The following SLC4A9 variants were observed in gnomAD, a reference collection of about 807,000 sequenced individuals.
SLC4A9 encodes anion exchange protein 4.
A neutral mutation model predicts 103.2 loss-of-function variants in SLC4A9; 102 were observed. The ratio of observed to expected loss-of-function variants is 0.99; its 90% CI spans 0.84 to 1.17. The LOEUF is 1.17. Among genes scored for constraint, SLC4A9 ranks in the 50% most tolerant of loss-of-function variants. The pLI is 0.00. For synonymous variants in SLC4A9, 453 were observed against 483.6 expected, an observed-to-expected ratio of 0.94 and a Z score of 0.83; for missense variants, 1,091 against 1,193.7, an observed-to-expected ratio of 0.91 and a Z score of 1.27.
At chr5:140,362,592 A>T in intron 6 of SLC4A9, 60 bp downstream of exon 6, 1 of 1,476,144 alleles carries the variant, frequency 6.8e-7, no homozygotes, top group South Asian at 1.1e-5. Context: ...GTGTGTGTGC[A>T]CACATGCATA....
At chr5:140,374,550 C>CAAA (rs70988749) in intron 21 of SLC4A9, among the ~76,000 whole-genome samples, 122 of 47,608 alleles carry the variant, frequency 2.6e-3, no homozygotes, top group African/African-American at 4.4e-3. Flanking sequence ...AACTCCCTCT[C>CAAA]AAAAAAAAAA....
At position 140,364,373 on chromosome 5, in the gene SLC4A9, C is replaced by T. The variant is rs776050959; in HGVS notation, c.1399C>T (p.Leu467=). The T allele has an allele frequency of 1.2e-6, 2 of 1,612,808 alleles. No homozygotes were observed. The highest frequency in any genetic ancestry group is 8.5e-7 in the Non-Finnish European group (1 of 1,179,870). The change falls in exon 11 of 22, where the codon CTG becomes TTG. Residue 467 remains leucine (L), a synonymous_variant. Coordinates refer to ENST00000506757, the MANE Select transcript of SLC4A9 (RefSeq NM_031467.3). ...LLFSFSRDYS[L]DYLPFRLWVG... ...CTCTCATCCCCACAGAGATTACAGC[C>T]TGGACTACCTGCCCTTCCGCCTATG...
chr5:140,372,798 G>GC lies in SLC4A9; in HGVS notation c.*1dup. 6.4e-7 allele frequency: 1 copy of GC among 1,567,282 alleles called. No homozygotes were observed. Reference sequence around the variant, plus strand: ...CAGAAATCAACATTTCTGTGAATTAGCTGGAGTAGGAGTCTGGGAGTGGAG... The same window carrying GC: ...CAGAAATCAACATTTCTGTGAATTAGCCTGGAGTAGGAGTCTGGGAGTGGAG... On this transcript the variant is annotated 3_prime_UTR_variant, in exon 21 of 22. Coordinates refer to ENST00000506757, the MANE Select transcript of SLC4A9 (RefSeq NM_031467.3).
chr5:140,364,496 T>C lies in SLC4A9; in HGVS notation c.1522T>C (p.Cys508Arg), dbSNP rs1483683799. 6.8e-6 allele frequency: 11 copies of C among 1,612,044 alleles called. No individual in the cohort carries two copies. Among genetic ancestry groups the C allele is most frequent in the Non-Finnish European group, 9.3e-6 (11 of 1,179,024 alleles). The change falls in exon 11 of 22, where the codon TGT (cysteine) becomes CGT (arginine). Residue 508 changes from cysteine (C) to arginine (R), a missense_variant. Physicochemically the swap from Cys to Arg is radical, Grantham distance 180 (BLOSUM62 -3). Transcript: ENST00000506757. ...CACCCGCTTCACTGAGGAAGGTTTC[T>C]GTGCCCTCATCAGCCTCATCTTCAT... is the stretch of plus-strand genomic sequence containing the variant. ...YFTRFTEEGFCALISLIFIYD... is the reference protein window; with the variant it reads ...YFTRFTEEGFRALISLIFIYD...
chr5:140,367,348 A>C (rs1458706369), intron 14 of SLC4A9, 72 bp from the exon 15 acceptor site: 1 of 1,525,722 alleles, frequency 6.6e-7, no homozygotes, highest in Non-Finnish European at 8.8e-7. Flanking sequence ...GAAGAATGCC[A>C]AGGTTGAGAT....
Position 140,363,581 on chromosome 5 carries a change from G to T in SLC4A9, c.1079+26G>T, listed in dbSNP as rs1350132310. The T allele has an allele frequency of 1.3e-6, 2 of 1,552,830 alleles. No homozygotes were observed. The highest frequency in any genetic ancestry group is 1.7e-6 in the Non-Finnish European group (2 of 1,148,126). ...GTGAGGCGAGCTGGGAGGAAACAAG[G>T]GTAGGTGACCTGGGGGAGGGGAGGA... On this transcript the variant is annotated intron_variant, in intron 8 of 21. Transcript: ENST00000506757. This position sits in a 1 kb window ranked among gnomAD's most constrained non-coding sequence, Gnocchi z 4.5.
chr5:140,360,631 A>G, intron 1 of SLC4A9, 165 bp downstream of exon 1: 1 of 1,139,762 alleles, frequency 8.8e-7, no homozygotes, highest in East Asian at 2.6e-5. Flanking sequence ...CCTCCTCTGC[A>G]GTCTAGTTTT....
rs1356449329 is a variant in SLC4A9 at position 140,372,232 on chromosome 5, A to G, written c.2671-10A>G. On this transcript the variant is annotated splice_polypyrimidine_tract_variant and intron_variant, in intron 19 of 21. Coordinates refer to ENST00000506757, the MANE Select transcript of SLC4A9 (RefSeq NM_031467.3). ...GCTGACAGGCCTGGGCCATGTTTCTATTCCTGCAGTTGCTGGGCCTTGTGG... is the reference window on the plus strand; with the variant it reads ...GCTGACAGGCCTGGGCCATGTTTCTGTTCCTGCAGTTGCTGGGCCTTGTGG... 5 of 1,546,170 alleles carry G rather than the reference A, an allele frequency of 3.2e-6. No homozygotes were observed. The highest frequency in any genetic ancestry group is 2.3e-5 in the East Asian group (1 of 43,138).
chr5:140,364,037 C>G lies in SLC4A9; in HGVS notation c.1255-17C>G. ...GAGGACTTCAGGGTCCTGTGCTGAGCCCCTGTTGGCTTCCAGGGAGTGCTG... is the reference window on the plus strand; with the variant it reads ...GAGGACTTCAGGGTCCTGTGCTGAGGCCCTGTTGGCTTCCAGGGAGTGCTG... On this transcript the variant is annotated splice_polypyrimidine_tract_variant and intron_variant, in intron 9 of 21. Transcript: ENST00000506757. 1 of 1,524,944 alleles carries G rather than the reference C, an allele frequency of 6.6e-7. No individual in the cohort carries two copies. The highest frequency in any genetic ancestry group is 2.3e-5 in the East Asian group (1 of 43,502). 94.5% of individuals were successfully genotyped at this position (1,524,944 alleles called of 1,614,324 possible). A position where few individuals can be genotyped will look rare whatever the true frequency, so the allele number is the denominator to read the frequency against.
chr5:140,364,165 C>A lies in SLC4A9; in HGVS notation c.1366C>A (p.Arg456Ser). The A allele has an allele frequency of 2.5e-6, 4 of 1,574,120 alleles. No individual in the cohort carries two copies. Among genetic ancestry groups the A allele is most frequent in the African/African-American group, 1.4e-5 (1 of 73,614 alleles). Reference sequence around the variant, plus strand: ...CACGGGGCCAGTGCTGGTCTTTGAGCGCCTGCTCTTCTCTTTCAGCAGGTA... The same window carrying A: ...CACGGGGCCAGTGCTGGTCTTTGAGAGCCTGCTCTTCTCTTTCAGCAGGTA... ...SSTGPVLVFE[R>S]LLFSFSRDYS... The change falls in exon 10 of 22, where the codon CGC becomes AGC. Residue 456 changes from arginine (R) to serine (S), a missense_variant. Arg to Ser is a moderately radical substitution (Grantham distance 110). Transcript: ENST00000506757.
intron 12 of SLC4A9, 118 bp downstream of exon 12, chr5:140,365,696 G>A: frequency 7.0e-7 from 1 of 1,418,710 alleles, no homozygotes; most frequent in East Asian, 2.3e-5. Flanking sequence ...GTAAAGCTTA[G>A]CCATTTCCTA....
chr5:140,364,176 C>T lies in SLC4A9; in HGVS notation c.1377C>T (p.Phe459=). The T allele has an allele frequency of 6.4e-7, 1 of 1,568,928 alleles. No individual in the cohort carries two copies. The highest frequency in any genetic ancestry group is 2.2e-5 in the East Asian group (1 of 44,458). ...GPVLVFERLL[F]SFSRDYSLDY... is the part of the protein sequence containing the mutation. ...TGCTGGTCTTTGAGCGCCTGCTCTT[C>T]TCTTTCAGCAGGTAGGAGAGCTCCC... is the stretch of plus-strand genomic sequence containing the variant. The change falls in exon 10 of 22, where the codon TTC becomes TTT. Residue 459 remains phenylalanine (F), a synonymous_variant. Transcript: ENST00000506757.
At chr5:140,366,322 T>C (rs767690359) in intron 14 of SLC4A9, 58 bp downstream of exon 14, 82 of 1,223,442 alleles carry the variant, frequency 6.7e-5, no homozygotes, top group Non-Finnish European at 9.1e-5. Context: ...CAGCAGACCA[T>C]GGGGAAGGAA....
At chr5:140,371,348 T>C (rs1167741107) in intron 18 of SLC4A9, 103 bp from the exon 19 acceptor site, 1 of 1,489,608 alleles carries the variant, frequency 6.7e-7, no homozygotes, top group African/African-American at 1.4e-5. Context: ...TCGGCTGCCA[T>C]GCTCTCTGCC....
At chr5:140,366,360 CT>C (rs1767891002) in intron 14 of SLC4A9, 96 bp downstream of exon 14, 5 of 826,186 alleles carry the variant, frequency 6.1e-6, no homozygotes, top group Non-Finnish European at 7.6e-6. Context: ...CTTCTCTAAG[CT>C]TCTTTCTTCA....
intron 14 of SLC4A9, among the ~76,000 whole-genome samples, 152 bp downstream of exon 14, chr5:140,366,416 C>T (rs1767897160): frequency 6.6e-6 from 1 of 152,116 alleles, no homozygotes; most frequent in Admixed American, 6.5e-5. Flanking sequence ...ACAGGGTTGT[C>T]ATGAGGATTA....
In SLC4A9 at chr5:140,363,215, G is replaced by GAGTAGTTCCAGCAGA; in HGVS notation, c.962+150_962+151insGTAGTTCCAGCAGAA. The GAGTAGTTCCAGCAGA allele has an allele frequency of 8.6e-7, 1 of 1,156,220 alleles. No homozygotes were observed. The allele number at this position is 1,156,220 out of a possible 1,614,324, so 71.6% of individuals were successfully genotyped here. ...GCAGACCTAACTCTGAGTTCTGCTG[G>GAGTAGTTCCAGCAGA]ACTACTCTCTCGCTAAGAGACCTGA... is the stretch of plus-strand genomic sequence containing the variant. On this transcript the variant is annotated intron_variant, in intron 7 of 21. Coordinates refer to ENST00000506757, the MANE Select transcript of SLC4A9 (RefSeq NM_031467.3). The surrounding 1 kb of genome is among the most constrained non-coding windows in gnomAD (Gnocchi z 4.5).
chr5:140,363,779 C>A lies in SLC4A9; in HGVS notation c.1131C>A (p.Pro377=). 1 of 1,613,932 alleles carries A rather than the reference C, an allele frequency of 6.2e-7. No individual in the cohort carries two copies. The highest frequency in any genetic ancestry group is 8.5e-7 in the Non-Finnish European group (1 of 1,179,854). The change falls in exon 9 of 22, where the codon CCC becomes CCA. Residue 377 remains proline, a synonymous_variant. Coordinates refer to ENST00000506757, the MANE Select transcript of SLC4A9 (RefSeq NM_031467.3). This position sits in a 1 kb window ranked among gnomAD's most constrained non-coding sequence, Gnocchi z 4.5. ...TGCGCAGGAAGGTCCCGTGGTACCC[C>A]AGCGATTTCTTGGACGCCCTGCATC... is the stretch of plus-strand genomic sequence containing the variant. ...QDVRRKVPWY[P]SDFLDALHLQ...
At chr5:140,366,130 T>C in intron 13 of SLC4A9, 21 bp from the exon 14 acceptor site, 1 of 1,610,832 alleles carries the variant, frequency 6.2e-7, no homozygotes, top group Non-Finnish European at 8.5e-7. Flanking sequence ...TGGACCTGAC[T>C]GAGTGTCCAC....
Sources: gnomAD v4.1 joint callset for allele counts (sites outside exome capture counted in the v4.1 genomes callset) on GRCh38, gnomAD v4.1.1 for gene constraint, Gnocchi (gnomAD v3.1) non-coding constraint, MANE v1.5 for transcripts, NCBI Gene and HGNC (gene_info 2026-07-23, HGNC 2026-07-21) for gene names.